Variants in MAPK8IP1 observed in about 807,000 individuals in gnomAD.
MAPK8IP1 encodes mitogen-activated protein kinase 8 interacting protein 1.
MAPK8IP1 carries 17 observed loss-of-function variants against 72.6 expected under a neutral mutation model. The ratio of observed to expected loss-of-function variants is 0.23; its 90% CI spans 0.16 to 0.35. The LOEUF (loss-of-function observed/expected upper bound fraction) is 0.35, where lower values mean the gene tolerates loss of function less well. MAPK8IP1 is among the 10% of genes least tolerant of loss of function. The probability of loss-of-function intolerance (pLI) is 1.00; values close to 1 mark genes in which losing one functional copy is unlikely to be tolerated. For synonymous variants in MAPK8IP1, 401 were observed against 443.4 expected, an observed-to-expected ratio of 0.90 and a Z score of 1.20; for missense variants, 789 against 1,009.7, an observed-to-expected ratio of 0.78 and a Z score of 2.96.
At chr11:45,897,084 A>C (rs2086614097) in intron 1 of MAPK8IP1, 1 of 899,118 alleles carries the variant, frequency 1.1e-6, no homozygotes, top group Non-Finnish European at 1.8e-6. Flanking sequence ...CTAAGCCACC[A>C]TCTCTCCTGG....
chr11:45,903,103 G>T lies in MAPK8IP1; in HGVS notation c.1336G>T (p.Asp446Tyr). 1 of 1,611,484 alleles carries T rather than the reference G, an allele frequency of 6.2e-7. No homozygotes were observed. The highest frequency in any genetic ancestry group is 8.5e-7 in the Non-Finnish European group (1 of 1,179,926). ...RPQPPACLSE[D>Y]STPDEPDVHF... ...CCAGCCCCCTGCCTGCCTCTCCGAG[G>T]ACTCCACGCCTGATGAACCCGACGT... The change falls in exon 5 of 12, where the codon GAC becomes TAC. Residue 446 changes from aspartate (D) to tyrosine (Y), a missense_variant. Asp to Tyr is a radical substitution (Grantham distance 160). Transcript: ENST00000241014. This position sits in a 1 kb window ranked among gnomAD's most constrained non-coding sequence, Gnocchi z 6.4.
Position 45,904,863 on chromosome 11 carries a change from T to C in MAPK8IP1, c.1893+29T>C. On this transcript the variant is annotated intron_variant, in intron 9 of 11. Transcript: ENST00000241014. This position sits in a 1 kb window ranked among gnomAD's most constrained non-coding sequence, Gnocchi z 6.4. ...ACTTCTTCCAACCCAGCCCCTTCCT[T>C]CCATGGCCCCAAGCTCTCCCCCAAG... 1.2e-6 allele frequency: 2 copies of C among 1,611,470 alleles called. No individual in the cohort carries two copies. The highest frequency in any genetic ancestry group is 1.7e-6 in the Non-Finnish European group (2 of 1,177,690).
At position 45,902,028 on chromosome 11, in the gene MAPK8IP1, C is replaced by T. The variant is rs554259465; in HGVS notation, c.571C>T (p.Arg191Trp). 29 of 1,614,148 alleles carry T rather than the reference C, an allele frequency of 1.8e-5. No homozygotes were observed. The South Asian group carries it at 2.2e-4, about 12-fold the overall frequency. The change falls in exon 4 of 12, where the codon CGG becomes TGG. Residue 191 changes from arginine to tryptophan, a missense_variant. By Grantham distance (101) the Arg-to-Trp change is moderately radical. This residue lies in a region of MAPK8IP1 where 112 missense variants were observed against 192.8 expected (regional missense o/e 0.58). Coordinates refer to ENST00000241014, the MANE Select transcript of MAPK8IP1 (RefSeq NM_005456.4). The surrounding 1 kb of genome is among the most constrained non-coding windows in gnomAD (Gnocchi z 9.3). ...SLGKKHSWQD[R>W]VSRSSSPLKT... ...GGGCAAAAAGCACAGTTGGCAGGATCGGGTGTCTCGATCATCCTCACCCCT... is the reference window on the plus strand; with the variant it reads ...GGGCAAAAAGCACAGTTGGCAGGATTGGGTGTCTCGATCATCCTCACCCCT...
At chr11:45,898,318 T>A in intron 2 of MAPK8IP1, 128 bp downstream of exon 2, 1 of 667,918 alleles carries the variant, frequency 1.5e-6, no homozygotes, top group Non-Finnish European at 2.7e-6. Flanking sequence ...TGAAATGATG[T>A]GCAAGAAACA....
At chr11:45,887,558 C>T (rs1002845091) in intron 1 of MAPK8IP1, among the ~76,000 whole-genome samples, 11 of 152,320 alleles carry the variant, frequency 7.2e-5, no homozygotes, top group African/African-American at 1.9e-4. Flanking sequence ...CAGGTCTGTG[C>T]GTGTTTAGTC....
Position 45,906,058 on chromosome 11 carries a change from G to A in MAPK8IP1, c.*337G>A. The A allele has an allele frequency of 2.1e-6, 1 of 480,286 alleles. No individual in the cohort carries two copies. Among genetic ancestry groups the A allele is most frequent in the Non-Finnish European group, 3.8e-6 (1 of 263,380 alleles). The allele number at this position is 480,286 out of a possible 1,614,324, so 29.8% of individuals were successfully genotyped here. A position where few individuals can be genotyped will look rare whatever the true frequency, so the allele number is the denominator to read the frequency against. The stretch of plus-strand genomic sequence containing the variant: ...ATCCTGGGCCTTACCTCCCCTGCCA[G>A]GGCTCGGGCGCTGTGGCTCCTGCCT... On this transcript the variant is annotated 3_prime_UTR_variant, in exon 12 of 12. Coordinates refer to ENST00000241014, the MANE Select transcript of MAPK8IP1 (RefSeq NM_005456.4).
chr11:45,896,657 G>T, intron 1 of MAPK8IP1: 1 of 1,402,642 alleles, frequency 7.1e-7, no homozygotes, highest in Non-Finnish European at 9.3e-7. Context: ...GCTGGGAAGA[G>T]CTGGGGCTGG....
chr11:45,887,973 A>G (rs557810045), intron 1 of MAPK8IP1, among the ~76,000 whole-genome samples: 46 of 152,298 alleles, frequency 3.0e-4, no homozygotes, highest in Non-Finnish European at 1.5e-4. Context: ...CATAGATCCA[A>G]CTGGCCTGGG....
At position 45,904,383 on chromosome 11, in the gene MAPK8IP1, A is replaced by C. The variant is rs942336177; in HGVS notation, c.1667-72A>C. On this transcript the variant is annotated intron_variant, in intron 7 of 11. Coordinates refer to ENST00000241014, the MANE Select transcript of MAPK8IP1 (RefSeq NM_005456.4). The surrounding 1 kb of genome is among the most constrained non-coding windows in gnomAD (Gnocchi z 6.4). The stretch of plus-strand genomic sequence containing the variant: ...CTCTGCCATTCCCCGTGCCTCACCC[A>C]CCCTCCTTCACTTGGCTGCTCAGCT... 2.2e-6 allele frequency: 3 copies of C among 1,335,142 alleles called. No homozygotes were observed. Among genetic ancestry groups the C allele is most frequent in the Admixed American group, 1.8e-5 (1 of 55,758 alleles). The allele number at this position is 1,335,142 out of a possible 1,614,324, so 82.7% of individuals were successfully genotyped here. A position where few individuals can be genotyped will look rare whatever the true frequency, so the allele number is the denominator to read the frequency against.
Position 45,903,213 on chromosome 11 carries a change from G to A in MAPK8IP1, c.1417+29G>A, listed in dbSNP as rs758183971. 6.3e-7 allele frequency: 1 copy of A among 1,584,022 alleles called. No homozygotes were observed. The highest frequency in any genetic ancestry group is 8.6e-7 in the Non-Finnish European group (1 of 1,167,452). On this transcript the variant is annotated intron_variant, in intron 5 of 11. Transcript: ENST00000241014. This position sits in a 1 kb window ranked among gnomAD's most constrained non-coding sequence, Gnocchi z 6.4. The stretch of plus-strand genomic sequence containing the variant: ...AGTCAGCAAGGGGAAGCAGTGGGGT[G>A]GGGGGGTCCCTAGCGGGGGCAGAGC...
chr11:45,891,046 C>T (rs1238898812), intron 1 of MAPK8IP1, among the ~76,000 whole-genome samples: 1 of 152,194 alleles, frequency 6.6e-6, no homozygotes, highest in Non-Finnish European at 1.5e-5. Flanking sequence ...GGCCTGGCTC[C>T]TGATGGACCT....
intron 1 of MAPK8IP1, among the ~76,000 whole-genome samples, chr11:45,897,167 C>T (rs184738116): frequency 3.3e-4 from 51 of 152,252 alleles, no homozygotes; most frequent in Admixed American, 2.9e-3. Context: ...AAGGCTCATA[C>T]ATTCTCCCCA....
At chr11:45,896,883 C>G in intron 1 of MAPK8IP1, 2 of 1,556,058 alleles carry the variant, frequency 1.3e-6, no homozygotes, top group Non-Finnish European at 8.7e-7. Context: ...GCTCTCCATG[C>G]AGCTGGTGCT....
rs569253087 is a variant in MAPK8IP1, at chr11:45,900,639, G to A, written c.522+187G>A. ...GCGGGCAGAACCATCCTTACGAAGA[G>A]GGGGCTGAGTCCAGCTGGCCGGGCT... is the stretch of plus-strand genomic sequence containing the variant. On this transcript the variant is annotated intron_variant, in intron 3 of 11. Coordinates refer to ENST00000241014, the MANE Select transcript of MAPK8IP1 (RefSeq NM_005456.4). The surrounding 1 kb of genome is among the most constrained non-coding windows in gnomAD (Gnocchi z 6.5). 6.6e-6 allele frequency among the ~76,000 whole-genome samples: 1 copy of A among 152,238 alleles called. No individual in the cohort carries two copies. The highest frequency in any genetic ancestry group is 1.9e-4 in the East Asian group (1 of 5,196).
intron 1 of MAPK8IP1, among the ~76,000 whole-genome samples, chr11:45,889,287 T>C (rs1307906274): frequency 3.9e-5 from 6 of 152,190 alleles, no homozygotes. Context: ...GCCTGTGCTG[T>C]TATGTTGGTG....
intron 1 of MAPK8IP1, among the ~76,000 whole-genome samples, chr11:45,893,780 C>T (rs1332714098): frequency 4.6e-5 from 7 of 152,234 alleles, no homozygotes; most frequent in Admixed American, 1.3e-4. Context: ...TCCCCTTCTT[C>T]CCCTCCCTTC....
At position 45,904,304 on chromosome 11, in the gene MAPK8IP1, C is replaced by CA; in HGVS notation, c.1666+146dup. 1 of 1,218,136 alleles carries CA rather than the reference C, an allele frequency of 8.2e-7. No homozygotes were observed. Among genetic ancestry groups the CA allele is most frequent in the Non-Finnish European group, 1.2e-6 (1 of 844,438 alleles). The allele number at this position is 1,218,136 out of a possible 1,614,324, so 75.5% of individuals were successfully genotyped here. ...ATTTTAGGTCCTTTTCACGATCAAG[C>CA]AAAGTGAGGCCCGGCCAAGTTGGGC... On this transcript the variant is annotated intron_variant, in intron 7 of 11. Transcript: ENST00000241014. The surrounding 1 kb of genome is among the most constrained non-coding windows in gnomAD (Gnocchi z 6.4).
At position 45,903,281 on chromosome 11, in the gene MAPK8IP1, G is replaced by A. The variant is rs1023175693; in HGVS notation, c.1418-84G>A. On this transcript the variant is annotated intron_variant, in intron 5 of 11. Transcript: ENST00000241014. The surrounding 1 kb of genome is among the most constrained non-coding windows in gnomAD (Gnocchi z 6.4). ...TGGGAGGCGACCCCAGGCCCCATCTGGTTAGGACTGAGGCTTCTACCTGCC... is the reference window on the plus strand; with the variant it reads ...TGGGAGGCGACCCCAGGCCCCATCTAGTTAGGACTGAGGCTTCTACCTGCC... 6.3e-7 allele frequency: 1 copy of A among 1,583,892 alleles called. No individual in the cohort carries two copies.
chr11:45,893,889 T>C (rs1461983735), intron 1 of MAPK8IP1, among the ~76,000 whole-genome samples: 2 of 151,494 alleles, frequency 1.3e-5, no homozygotes, highest in East Asian at 3.9e-4. Flanking sequence ...CTTCTCTCCA[T>C]AAAGGGACCC....
Sources: allele counts gnomAD v4.1 joint callset (sites outside exome capture counted in the v4.1 genomes callset), GRCh38; gene constraint gnomAD v4.1.1; regional missense constraint gnomAD v4.1.1; non-coding constraint Gnocchi (gnomAD v3.1); transcripts MANE v1.5; gene names NCBI Gene and HGNC (gene_info 2026-07-23, HGNC 2026-07-21).